The following CCDC92B variants were observed in gnomAD, a reference collection of about 807,000 sequenced individuals.
CCDC92B encodes coiled-coil domain-containing 92B.
A neutral mutation model predicts 5.6 loss-of-function variants in CCDC92B; 2 were observed. The ratio of observed to expected loss-of-function variants is 0.36; its 90% CI spans 0.15 to 1.12. The LOEUF (loss-of-function observed/expected upper bound fraction) is 1.12. CCDC92B is among the 50% of genes most tolerant of loss of function. The pLI, the probability that CCDC92B is intolerant of heterozygous loss-of-function variation, is 0.40. For missense variants in CCDC92B, 271 were observed against 262.2 expected, an observed-to-expected ratio of 1.03 and a Z score of -0.23; for synonymous variants, 115 against 122.3, an observed-to-expected ratio of 0.94 and a Z score of 0.39.
chr17:2,735,161 G>T lies in CCDC92B; in HGVS notation c.-16C>A. ...CGGTATCCATGGCAACCCAGGCCTG[G>T]GCCCCACCTAGGGAGGACGACAAGG... On this transcript the variant is annotated 5_prime_UTR_variant, in exon 2 of 4. Coordinates refer to ENST00000614400, the MANE Select transcript of CCDC92B (RefSeq NM_001355573.2). The T allele has an allele frequency of 1.0e-6, 1 of 985,614 alleles. No individual in the cohort carries two copies. The highest frequency in any genetic ancestry group is 1.2e-6 in the Non-Finnish European group (1 of 830,066). The allele number at this position is 985,614 out of a possible 1,614,324, so 61.1% of individuals were successfully genotyped here.
At chr17:2,740,752 C>G (rs1249207734) in intron 1 of CCDC92B, among the ~76,000 whole-genome samples, 1 of 151,816 alleles carries the variant, frequency 6.6e-6, no homozygotes, top group Non-Finnish European at 1.5e-5. Flanking sequence ...GACGCAGTGG[C>G]TCACACCTGT....
intron 1 of CCDC92B, among the ~76,000 whole-genome samples, chr17:2,737,752 G>A (rs191388721): frequency 1.8e-4 from 27 of 151,780 alleles, no homozygotes; most frequent in Middle Eastern, 3.4e-3. Context: ...CTGGTATTAC[G>A]GGCGTGAGCC....
rs1597230972 is a variant in CCDC92B, at chr17:2,724,074, C to G, written c.*337G>C. 9.9e-6 allele frequency: 9 copies of G among 906,680 alleles called. No homozygotes were observed. Among genetic ancestry groups the G allele is most frequent in the Non-Finnish European group, 1.1e-5 (8 of 758,466 alleles). 56.2% of individuals were successfully genotyped at this position (906,680 alleles called of 1,614,324 possible). ...CCCTCCCCACCCCACCAAGGATTGT[C>G]GGCTTTCCCGGGGAAGGGCGTGGCC... On this transcript the variant is annotated 3_prime_UTR_variant, in exon 4 of 4. Coordinates refer to ENST00000614400, the MANE Select transcript of CCDC92B (RefSeq NM_001355573.2). This position sits in a 1 kb window ranked among gnomAD's most constrained non-coding sequence, Gnocchi z 5.0.
At chr17:2,740,593 G>A (rs2070914682) in intron 1 of CCDC92B, among the ~76,000 whole-genome samples, 1 of 152,058 alleles carries the variant, frequency 6.6e-6, no homozygotes, top group East Asian at 1.9e-4. Context: ...AACCCAGGAG[G>A]CGGAGGTTGC....
chr17:2,725,454 C>T (rs930446598), intron 3 of CCDC92B, among the ~76,000 whole-genome samples: 2 of 151,810 alleles, frequency 1.3e-5, no homozygotes, highest in Admixed American at 1.3e-4. Context: ...TCCTACCGCG[C>T]TCCCCCTCCT....
At chr17:2,726,872 CAG>C (rs1372282360) in intron 3 of CCDC92B, among the ~76,000 whole-genome samples, 7 of 151,428 alleles carry the variant, frequency 4.6e-5, no homozygotes, top group African/African-American at 1.7e-4. Flanking sequence ...CTCGGACTCC[CAG>C]AGTGCTGGGA....
At chr17:2,729,372 T>C (rs1261385463) in intron 3 of CCDC92B, among the ~76,000 whole-genome samples, 1 of 151,924 alleles carries the variant, frequency 6.6e-6, no homozygotes, top group Non-Finnish European at 1.5e-5. Flanking sequence ...TGTGCGCCTG[T>C]TGTCTCAGCT....
At position 2,722,494 on chromosome 17, in the gene CCDC92B, T is replaced by A. The variant is rs1347226887; in HGVS notation, c.*1917A>T. On this transcript the variant is annotated 3_prime_UTR_variant, in exon 4 of 4. Coordinates refer to ENST00000614400, the MANE Select transcript of CCDC92B (RefSeq NM_001355573.2). ...GTTATTGCTCAGTGGTCTTGGGCAG[T>A]CCCGAGTGGCGTCAGCTGGGAGAGC... The A allele has an allele frequency of 6.6e-6, 1 of 152,226 alleles. No individual in the cohort carries two copies. The highest frequency in any genetic ancestry group is 1.9e-4 in the East Asian group (1 of 5,186). 9.4% of individuals were successfully genotyped at this position (152,226 alleles called of 1,614,324 possible).
In CCDC92B at chr17:2,724,824, G is replaced by A. The variant is rs2070706339; in HGVS notation, c.355C>T (p.Arg119Cys). Residue 119 changes from arginine to cysteine, a missense_variant, in exon 4 of 4, where the codon CGC becomes TGC. Transcript: ENST00000614400. The surrounding 1 kb of genome is among the most constrained non-coding windows in gnomAD (Gnocchi z 5.0). ...ERRFLEELRR[R>C]SHRATVLGTE... ...CCCAGCACGGTGGCGCGGTGGCTGC[G>A]GCGGCGCAGCTCCTCCAGGAAGCGG... 1.0e-6 allele frequency: 1 copy of A among 984,806 alleles called. No homozygotes were observed. Among genetic ancestry groups the A allele is most frequent in the African/African-American group, 1.8e-5 (1 of 57,134 alleles). 61.0% of individuals were successfully genotyped at this position (984,806 alleles called of 1,614,324 possible).
intron 3 of CCDC92B, among the ~76,000 whole-genome samples, chr17:2,727,561 C>A (rs993854300): frequency 6.6e-6 from 1 of 152,240 alleles, no homozygotes; most frequent in African/African-American, 2.4e-5. Context: ...TGCAGTGGCT[C>A]ACGCCTGTAA....
intron 1 of CCDC92B, among the ~76,000 whole-genome samples, chr17:2,746,337 C>A (rs578262178): frequency 4.6e-5 from 7 of 152,176 alleles, no homozygotes; most frequent in African/African-American, 1.7e-4. Flanking sequence ...AAATTGTTAC[C>A]AAAAATATTA....
At chr17:2,733,557 C>T (rs2151740763) in intron 2 of CCDC92B, among the ~76,000 whole-genome samples, 1 of 152,014 alleles carries the variant, frequency 6.6e-6, no homozygotes, top group African/African-American at 2.4e-5. Flanking sequence ...CCGTGCCCAG[C>T]TCCTCTTCTC....
rs2070695279 is a variant in CCDC92B, at chr17:2,724,197, A to G, written c.*214T>C. ...GTGCCCCCGCTCGGCCCCGCGGAGG[A>G]ACTCTCGCGCGAGGAGAGGGCTCGA... On this transcript the variant is annotated 3_prime_UTR_variant, in exon 4 of 4. Transcript: ENST00000614400. The surrounding 1 kb of genome is among the most constrained non-coding windows in gnomAD (Gnocchi z 5.0). The G allele has an allele frequency of 3.0e-6, 3 of 985,102 alleles. No homozygotes were observed. Among genetic ancestry groups the G allele is most frequent in the Non-Finnish European group, 3.6e-6 (3 of 829,826 alleles). The allele number at this position is 985,102 out of a possible 1,614,324, so 61.0% of individuals were successfully genotyped here. A position where few individuals can be genotyped will look rare whatever the true frequency, so the allele number is the denominator to read the frequency against.
chr17:2,732,893 G>C (rs1373506623), intron 2 of CCDC92B, among the ~76,000 whole-genome samples: 1 of 149,520 alleles, frequency 6.7e-6, no homozygotes, highest in African/African-American at 2.5e-5. Context: ...GGCGCCTGTA[G>C]TCCCAGCTAC....
chr17:2,737,496 A>T (rs2070870674), intron 1 of CCDC92B, among the ~76,000 whole-genome samples: 1 of 92,084 alleles, frequency 1.1e-5, no homozygotes, highest in South Asian at 3.8e-4. Flanking sequence ...TTTTTTTGAG[A>T]CGGAGTCTTG....
rs78903658 is a variant in CCDC92B, at chr17:2,747,420, G to A, written c.-24+1991C>T. On this transcript the variant is annotated intron_variant, in intron 1 of 3. Transcript: ENST00000614400. ...GTATATTAGATAGGACAAGCATGGCGATAAGTGAACAAATAAATGAATCAG... is the reference window on the plus strand; with the variant it reads ...GTATATTAGATAGGACAAGCATGGCAATAAGTGAACAAATAAATGAATCAG... Among the ~76,000 whole-genome samples, 36 of 152,168 alleles carry A rather than the reference G, an allele frequency of 2.4e-4. No individual in the cohort carries two copies. In the East Asian group the frequency reaches 6.2e-3, roughly 26 times the overall value.
rs1208466797 is a variant in CCDC92B at position 2,721,481 on chromosome 17, G to GCT, written c.*2928_*2929dup. 6.6e-6 allele frequency: 1 copy of GCT among 152,370 alleles called. No individual in the cohort carries two copies. The highest frequency in any genetic ancestry group is 1.9e-4 in the East Asian group (1 of 5,198). The allele number at this position is 152,370 out of a possible 1,614,324, so 9.4% of individuals were successfully genotyped here. ...GCGAGGTTTCCCTTTGGCCAGGTGG[G>GCT]CTCTCAAGCCAGACCCAGGGAGGGT... On this transcript the variant is annotated 3_prime_UTR_variant, in exon 4 of 4. Transcript: ENST00000614400.
chr17:2,734,231 C>T (rs555707578), intron 2 of CCDC92B, among the ~76,000 whole-genome samples: 10 of 152,236 alleles, frequency 6.6e-5, no homozygotes, highest in African/African-American at 1.7e-4. Flanking sequence ...CCACATGTTA[C>T]GCAGCCTCCA....
rs766469025 is a variant in CCDC92B at position 2,733,013 on chromosome 17, AAAAT to A, written c.130+1999_130+2002del. ...GGGCGACAGAGCAAGACCCTGTCTC[AAAAT>A]AAATAAATAAATAAAAATAAATAAA... is the stretch of plus-strand genomic sequence containing the variant. On this transcript the variant is annotated intron_variant, in intron 2 of 3. Coordinates refer to ENST00000614400, the MANE Select transcript of CCDC92B (RefSeq NM_001355573.2). 1.8e-3 allele frequency among the ~76,000 whole-genome samples: 251 copies of A among 139,880 alleles called. 1 individual carries two copies. Among genetic ancestry groups the A allele is most frequent in the East Asian group, 1.9e-3 (9 of 4,782 alleles). The allele number at this position is 139,880 out of a possible 152,430, so 91.8% of individuals were successfully genotyped here.
Sources: gnomAD v4.1 joint callset for allele counts (sites outside exome capture counted in the v4.1 genomes callset) on GRCh38, gnomAD v4.1.1 for gene constraint, Gnocchi (gnomAD v3.1) non-coding constraint, MANE v1.5 for transcripts, NCBI Gene and HGNC (gene_info 2026-07-23, HGNC 2026-07-21) for gene names.